Variants in KIF16B observed in about 807,000 individuals in gnomAD.
KIF16B encodes the protein kinesin-like protein KIF16B.
KIF16B carries 98 observed loss-of-function variants against 156.3 expected under a neutral mutation model. The ratio of observed to expected loss-of-function variants is 0.63; its 90% CI spans 0.53 to 0.74. The LOEUF is 0.74. KIF16B is among the 30% of genes least tolerant of loss of function. KIF16B has a pLI of 0.00. For missense variants in KIF16B, 1,421 were observed against 1,606.5 expected, an observed-to-expected ratio of 0.88 and a Z score of 1.97; for synonymous variants, 564 against 583.7, an observed-to-expected ratio of 0.97 and a Z score of 0.49.
At chr20:16,513,774 TG>T (rs1473625331) in intron 4 of KIF16B, among the ~76,000 whole-genome samples, 1 of 152,108 alleles carries the variant, frequency 6.6e-6, no homozygotes, top group East Asian at 1.9e-4. Flanking sequence ...TTATACAATG[TG>T]GGTATAACGT....
Position 16,374,167 on chromosome 20 carries a change from C to T in KIF16B, c.3350+90G>A, listed in dbSNP as rs533625468. The T allele has an allele frequency of 4.0e-5, 52 of 1,293,604 alleles. 1 individual carries two copies. The South Asian group carries it at 1.1e-3, about 27-fold the overall frequency. 80.1% of individuals were successfully genotyped at this position (1,293,604 alleles called of 1,614,324 possible). A position where few individuals can be genotyped will look rare whatever the true frequency, so the allele number is the denominator to read the frequency against. Reference sequence around the variant, plus strand: ...GTATTACTTGTTGCCCTTAATAGAGCCCTCCAGATACAAAGTAGTTCAACA... The same window carrying T: ...GTATTACTTGTTGCCCTTAATAGAGTCCTCCAGATACAAAGTAGTTCAACA... On this transcript the variant is annotated intron_variant, in intron 20 of 25. Transcript: ENST00000354981.
At chr20:16,539,694 T>A (rs1304825643) in intron 1 of KIF16B, among the ~76,000 whole-genome samples, 2 of 152,212 alleles carry the variant, frequency 1.3e-5, no homozygotes, top group African/African-American at 4.8e-5. Context: ...ATGAGCCAAT[T>A]AAACCTCTTT....
intron 12 of KIF16B, among the ~76,000 whole-genome samples, chr20:16,441,311 C>A (rs1327219364): frequency 6.6e-6 from 1 of 152,256 alleles, no homozygotes; most frequent in Non-Finnish European, 1.5e-5. Flanking sequence ...CACCCTCCGG[C>A]CTGTGCTCTA....
At chr20:16,376,549 G>T (rs1335502125) in intron 19 of KIF16B, among the ~76,000 whole-genome samples, 1 of 152,204 alleles carries the variant, frequency 6.6e-6, no homozygotes, top group Admixed American at 6.5e-5. Context: ...AGCTGCGGGG[G>T]TATCGCAGTC....
intron 15 of KIF16B, among the ~76,000 whole-genome samples, chr20:16,418,105 G>A (rs1382865066): frequency 6.6e-6 from 1 of 151,846 alleles, no homozygotes; most frequent in African/African-American, 2.4e-5. Flanking sequence ...CCAATGTACT[G>A]AATGTAAAGC....
In KIF16B at chr20:16,350,611, T is replaced by C. The variant is rs903521512; in HGVS notation, c.3621+5719A>G. Among the ~76,000 whole-genome samples, 3 of 151,564 alleles carry C rather than the reference T, an allele frequency of 2.0e-5. No individual in the cohort carries two copies. In the East Asian group the frequency reaches 5.9e-4, roughly 30 times the overall value. On this transcript the variant is annotated intron_variant, in intron 23 of 25. Coordinates refer to ENST00000354981, the MANE Select transcript of KIF16B (RefSeq NM_024704.5). ...TCGGACACAATCAAGAAGCTCGACTTGCCCACACTCTCCCTGCATGACTAA... is the reference window on the plus strand; with the variant it reads ...TCGGACACAATCAAGAAGCTCGACTCGCCCACACTCTCCCTGCATGACTAA...
At chr20:16,431,468 C>T (rs1171520062) in intron 12 of KIF16B, among the ~76,000 whole-genome samples, 1 of 152,138 alleles carries the variant, frequency 6.6e-6, no homozygotes, top group Non-Finnish European at 1.5e-5. Flanking sequence ...GCCAGCCTGC[C>T]CCATCTCAGG....
chr20:16,427,257 A>G lies in KIF16B; in HGVS notation c.1475-16T>C, dbSNP rs764203877. ...CCATGAAGAACTAAAGTGGAAAAAC[A>G]AAGTAGAAAGAATTTTTCCCCCTTT... On this transcript the variant is annotated splice_polypyrimidine_tract_variant and intron_variant, in intron 14 of 25. Transcript: ENST00000354981. 3 of 1,597,744 alleles carry G rather than the reference A, an allele frequency of 1.9e-6. No individual in the cohort carries two copies. Among genetic ancestry groups the G allele is most frequent in the Non-Finnish European group, 2.6e-6 (3 of 1,173,806 alleles).
chr20:16,529,158 T>A, intron 1 of KIF16B, among the ~76,000 whole-genome samples: 1 of 151,814 alleles, frequency 6.6e-6, no homozygotes, highest in Non-Finnish European at 1.5e-5. Flanking sequence ...TTAAAACCTA[T>A]GTATTTTTCA....
chr20:16,529,453 T>A (rs981322382), intron 1 of KIF16B, among the ~76,000 whole-genome samples: 5 of 152,186 alleles, frequency 3.3e-5, no homozygotes, highest in East Asian at 1.9e-4. Context: ...ATGAGATATA[T>A]CCTAAAAAGA....
chr20:16,394,161 G>T (rs1480153605), intron 17 of KIF16B, among the ~76,000 whole-genome samples: 4 of 152,166 alleles, frequency 2.6e-5, no homozygotes, highest in Non-Finnish European at 5.9e-5. Context: ...TGACAATTCA[G>T]TTTTAGATTG....
intron 1 of KIF16B, among the ~76,000 whole-genome samples, chr20:16,529,614 T>C (rs373148077): frequency 3.3e-5 from 5 of 152,254 alleles, no homozygotes; most frequent in African/African-American, 1.2e-4. Flanking sequence ...GTTTTTGAAG[T>C]GGCTGAATGA....
At chr20:16,335,531 T>C (rs2064020317) in intron 24 of KIF16B, among the ~76,000 whole-genome samples, 1 of 152,210 alleles carries the variant, frequency 6.6e-6, no homozygotes, top group Non-Finnish European at 1.5e-5. Context: ...ATGTAGTCTT[T>C]CTTTTTTAAA....
At chr20:16,466,323 A>G (rs2067489091) in intron 12 of KIF16B, among the ~76,000 whole-genome samples, 1 of 152,256 alleles carries the variant, frequency 6.6e-6, no homozygotes, top group South Asian at 2.1e-4. Context: ...AAGTGAGGTT[A>G]CAAGGCAAAT....
At chr20:16,529,971 C>T in intron 1 of KIF16B, among the ~76,000 whole-genome samples, 1 of 151,968 alleles carries the variant, frequency 6.6e-6, no homozygotes, top group Non-Finnish European at 1.5e-5. Context: ...AAACTGTAGT[C>T]CTGAATCTAA....
At chr20:16,387,334 A>G (rs1185994400) in intron 17 of KIF16B, among the ~76,000 whole-genome samples, 2 of 152,062 alleles carry the variant, frequency 1.3e-5, no homozygotes. Context: ...GGTTGCACTG[A>G]GCTTAGATGT....
chr20:16,572,007 C>T (rs898760081), intron 1 of KIF16B, among the ~76,000 whole-genome samples: 4 of 152,162 alleles, frequency 2.6e-5, no homozygotes, highest in African/African-American at 7.2e-5. Context: ...AACTTCTATA[C>T]ACATGAAAAT....
At chr20:16,320,822 T>C (rs1351679470) in intron 24 of KIF16B, among the ~76,000 whole-genome samples, 1 of 152,120 alleles carries the variant, frequency 6.6e-6, no homozygotes, top group African/African-American at 2.4e-5. Flanking sequence ...GTTAGAAGAG[T>C]CACTTAGTAA....
chr20:16,383,865 A>G (rs901122916), intron 17 of KIF16B, among the ~76,000 whole-genome samples: 1 of 152,230 alleles, frequency 6.6e-6, no homozygotes, highest in African/African-American at 2.4e-5. Context: ...CACAGCCACA[A>G]ATGCTACACT....
Sources: allele counts gnomAD v4.1 joint callset (sites outside exome capture counted in the v4.1 genomes callset), GRCh38; gene constraint gnomAD v4.1.1; transcripts MANE v1.5; gene names NCBI Gene and HGNC (gene_info 2026-07-23, HGNC 2026-07-21).